The following CFAP58 variants were observed in gnomAD, a reference collection of about 807,000 sequenced individuals.
CFAP58 encodes cilia- and flagella-associated protein 58.
CFAP58 carries 88 observed loss-of-function variants against 119.5 expected under a neutral mutation model. The ratio of observed to expected loss-of-function variants is 0.74; its 90% CI spans 0.62 to 0.88. CFAP58 has a LOEUF of 0.88. Among genes scored for constraint, CFAP58 ranks in the 40% least tolerant of loss-of-function variants. CFAP58 has a pLI of 0.00. For missense variants in CFAP58, 990 were observed against 1,021.2 expected (o/e 0.97, Z 0.42); for synonymous variants, 365 against 366.3 (o/e 1.00, Z 0.04).
rs1331807240 is a variant in CFAP58, at chr10:104,380,208, C to A, written c.1353C>A (p.Asp451Glu). The A allele has an allele frequency of 1.9e-6, 3 of 1,613,630 alleles. No individual in the cohort carries two copies. The African/African-American group carries it at 4.0e-5, about 22-fold the overall frequency. The change falls in exon 9 of 18, where the codon GAC becomes GAA. Residue 451 changes from aspartate to glutamate, a missense_variant. Coordinates refer to ENST00000369704, the MANE Select transcript of CFAP58 (RefSeq NM_001008723.2). ...ACCGGTACATCAACCAAGCCAGTGACCTTACGCAAAAGGTAAGCTGCTCAG... is the reference window on the plus strand; with the variant it reads ...ACCGGTACATCAACCAAGCCAGTGAACTTACGCAAAAGGTAAGCTGCTCAG... ...ERDRYINQAS[D>E]LTQKVLMNME...
intron 15 of CFAP58, among the ~76,000 whole-genome samples, chr10:104,423,612 CTTAGAGT>C (rs1160631682): frequency 6.6e-6 from 1 of 150,812 alleles, no homozygotes; most frequent in African/African-American, 2.4e-5. Flanking sequence ...AAGTAGATTA[CTTAGAGT>C]CCAAAGGAAA....
chr10:104,400,926 G>A, intron 13 of CFAP58, 23 bp downstream of exon 13: 1 of 1,581,556 alleles, frequency 6.3e-7, no homozygotes. Context: ...AGAACTCAGG[G>A]CTGAAGGCAC....
chr10:104,361,254 C>A (rs2014662599), intron 2 of CFAP58, among the ~76,000 whole-genome samples: 1 of 152,204 alleles, frequency 6.6e-6, no homozygotes, highest in African/African-American at 2.4e-5. Context: ...GCCAAAGCTG[C>A]ATGGGTCATT....
At chr10:104,356,820 G>A (rs1194541369) in intron 1 of CFAP58, among the ~76,000 whole-genome samples, 1 of 152,244 alleles carries the variant, frequency 6.6e-6, no homozygotes, top group East Asian at 1.9e-4. Context: ...TAAATTCCCT[G>A]TGGATAAGCT....
At chr10:104,450,603 G>A (rs113577136) in intron 17 of CFAP58, among the ~76,000 whole-genome samples, 1,554 of 152,210 alleles carry the variant, frequency 0.01, 22 homozygotes, top group South Asian at 0.061. Context: ...AGGGACCAGG[G>A]CTTAGTAAAG....
At chr10:104,339,325 C>A in the CFAP58 span, among the ~76,000 whole-genome samples, 1 of 152,190 alleles carries the variant, frequency 6.6e-6, no homozygotes, top group Non-Finnish European at 1.5e-5. Flanking sequence ...TGTTACTACC[C>A]CTATGTTAGA....
At chr10:104,370,151 A>ACCATCTG (rs1421176800) in intron 6 of CFAP58, among the ~76,000 whole-genome samples, 8 of 152,316 alleles carry the variant, frequency 5.3e-5, no homozygotes, top group African/African-American at 1.9e-4. Flanking sequence ...TATGTTAATA[A>ACCATCTG]CCATCTGAGA....
intron 7 of CFAP58, among the ~76,000 whole-genome samples, chr10:104,373,821 T>C (rs150803749): frequency 6.6e-6 from 1 of 152,182 alleles, no homozygotes; most frequent in African/African-American, 2.4e-5. Flanking sequence ...TGTTTAAATG[T>C]ATTATAAAGC....
intron 12 of CFAP58, among the ~76,000 whole-genome samples, chr10:104,400,014 CAGAA>C (rs1455491575): frequency 2.0e-5 from 3 of 152,106 alleles, no homozygotes; most frequent in African/African-American, 7.2e-5. Flanking sequence ...CAGTGCAAGA[CAGAA>C]GGAAGTAGTG....
chr10:104,396,423 AG>A, intron 11 of CFAP58, among the ~76,000 whole-genome samples: 4 of 139,960 alleles, frequency 2.9e-5, no homozygotes, highest in Non-Finnish European at 3.0e-5. Flanking sequence ...AGAGAGAGAG[AG>A]AGAGAGAGAG....
intron 11 of CFAP58, among the ~76,000 whole-genome samples, chr10:104,395,443 C>A (rs1316017142): frequency 6.6e-6 from 1 of 152,144 alleles, no homozygotes; most frequent in East Asian, 1.9e-4. Flanking sequence ...AACTGGGATG[C>A]CCTTTCTCCC....
chr10:104,391,394 G>A (rs891818943), intron 9 of CFAP58, among the ~76,000 whole-genome samples: 1 of 152,044 alleles, frequency 6.6e-6, no homozygotes, highest in South Asian at 2.1e-4. Context: ...GAAACACAGC[G>A]AAACTTTCTT....
At chr10:104,442,870 A>G (rs908236785) in intron 15 of CFAP58, among the ~76,000 whole-genome samples, 2 of 152,230 alleles carry the variant, frequency 1.3e-5, no homozygotes, top group Non-Finnish European at 2.9e-5. Context: ...CAGCTCAATA[A>G]AGTGAATTAT....
At chr10:104,393,841 A>G (rs974865464) in intron 11 of CFAP58, among the ~76,000 whole-genome samples, 8 of 152,212 alleles carry the variant, frequency 5.3e-5, no homozygotes, top group African/African-American at 1.7e-4. Flanking sequence ...ACAACCAAGT[A>G]CAACCATTGT....
At chr10:104,438,876 G>A (rs914638265) in intron 15 of CFAP58, among the ~76,000 whole-genome samples, 2 of 152,102 alleles carry the variant, frequency 1.3e-5, no homozygotes, top group African/African-American at 4.8e-5. Flanking sequence ...CCCACTGACA[G>A]GTGAATGCAG....
At chr10:104,432,547 G>A (rs940764468) in intron 15 of CFAP58, among the ~76,000 whole-genome samples, 21 of 151,644 alleles carry the variant, frequency 1.4e-4, no homozygotes, top group African/African-American at 4.6e-4. Flanking sequence ...TCTGTCACCA[G>A]GCTAGAGTGC....
intron 16 of CFAP58, 97 bp from the exon 17 acceptor site, chr10:104,449,974 A>AC: frequency 8.2e-7 from 1 of 1,217,338 alleles, no homozygotes; most frequent in Non-Finnish European, 1.1e-6. Flanking sequence ...ATTGTTTTGC[A>AC]CCTCTAGCTC....
Position 104,454,736 on chromosome 10 carries a change from T to C in CFAP58, c.*206T>C. 1 of 532,648 alleles carries C rather than the reference T, an allele frequency of 1.9e-6. No homozygotes were observed. 33.0% of individuals were successfully genotyped at this position (532,648 alleles called of 1,614,324 possible). Reference sequence around the variant, plus strand: ...GATATTAACAGATCATAATTCTCTCTGTTCAGTTAGGCTGACCTATTGCAT... The same window carrying C: ...GATATTAACAGATCATAATTCTCTCCGTTCAGTTAGGCTGACCTATTGCAT... On this transcript the variant is annotated 3_prime_UTR_variant, in exon 18 of 18. Transcript: ENST00000369704.
At chr10:104,411,701 A>T (rs910094283) in intron 15 of CFAP58, among the ~76,000 whole-genome samples, 7 of 152,060 alleles carry the variant, frequency 4.6e-5, no homozygotes, top group African/African-American at 1.7e-4. Flanking sequence ...GCTAACATAT[A>T]CTAGAACCTC....
Sources: allele counts gnomAD v4.1 joint callset (sites outside exome capture counted in the v4.1 genomes callset), GRCh38; gene constraint gnomAD v4.1.1; transcripts MANE v1.5; gene names NCBI Gene and HGNC (gene_info 2026-07-23, HGNC 2026-07-21).